Variants in MYO5B observed in about 807,000 individuals in gnomAD.
MYO5B encodes the protein myosin VB.
MYO5B carries 143 observed loss-of-function variants against 229.3 expected under a neutral mutation model. That is an observed-to-expected ratio of 0.62 (90% CI 0.54 to 0.72). The LOEUF is 0.72. Among genes scored for constraint, MYO5B ranks in the 30% least tolerant of loss-of-function variants. MYO5B has a pLI of 0.00. For synonymous variants in MYO5B, 918 were observed against 885.2 expected (o/e 1.04, Z -0.66); for missense variants, 2,321 against 2,331.0 (o/e 1.00, Z 0.09).
chr18:50,190,810 T>C (rs1054720660), intron 1 of MYO5B, among the ~76,000 whole-genome samples: 2 of 152,254 alleles, frequency 1.3e-5, no homozygotes, highest in Non-Finnish European at 2.9e-5. Context: ...CATATTCCAA[T>C]AATAACATCT....
At chr18:50,049,729 G>T (rs2030340943) in intron 2 of MYO5B, among the ~76,000 whole-genome samples, 1 of 152,142 alleles carries the variant, frequency 6.6e-6, no homozygotes, top group South Asian at 2.1e-4. Context: ...CCCAGACATT[G>T]CCAAATGTTC....
intron 22 of MYO5B, among the ~76,000 whole-genome samples, chr18:49,887,649 G>C (rs986597220): frequency 6.6e-6 from 1 of 152,072 alleles, no homozygotes; most frequent in Non-Finnish European, 1.5e-5. Context: ...GAGTCAATTA[G>C]ACATTTTTAC....
At chr18:49,907,068 G>A (rs571737884) in intron 18 of MYO5B, among the ~76,000 whole-genome samples, 1 of 152,128 alleles carries the variant, frequency 6.6e-6, no homozygotes, top group Non-Finnish European at 1.5e-5. Context: ...AAGGAAGGAG[G>A]AAAGTTCCAG....
intron 1 of MYO5B, among the ~76,000 whole-genome samples, chr18:50,072,838 G>A (rs1446697751): frequency 2.0e-5 from 3 of 151,982 alleles, no homozygotes; most frequent in East Asian, 3.9e-4. Context: ...GAAGAGTCCA[G>A]GAGGAAGTCC....
intron 14 of MYO5B, among the ~76,000 whole-genome samples, chr18:49,948,468 T>C (rs551395567): frequency 3.3e-5 from 5 of 152,330 alleles, no homozygotes; most frequent in Admixed American, 3.3e-4. Context: ...TTTTGTCAAC[T>C]AAAAAGTTAT....
chr18:50,003,490 T>A (rs971851310), intron 4 of MYO5B, among the ~76,000 whole-genome samples: 3 of 152,180 alleles, frequency 2.0e-5, no homozygotes, highest in Non-Finnish European at 2.9e-5. Context: ...CCTCTTCTCA[T>A]TTAATTTTAT....
At chr18:50,093,759 T>C (rs1236933549) in intron 1 of MYO5B, among the ~76,000 whole-genome samples, 3 of 149,168 alleles carry the variant, frequency 2.0e-5, no homozygotes, top group Non-Finnish European at 4.5e-5. Context: ...TTATACTGCG[T>C]TAATATGCTA....
chr18:50,102,518 G>C (rs1232230603), intron 1 of MYO5B, among the ~76,000 whole-genome samples: 6 of 152,126 alleles, frequency 3.9e-5, no homozygotes, highest in African/African-American at 1.4e-4. Context: ...AGAAATGCAA[G>C]AGTGGCTACA....
Position 49,895,020 on chromosome 18 carries a change from C to G in MYO5B, c.2966G>C (p.Arg989Pro). 6.2e-7 allele frequency: 1 copy of G among 1,613,936 alleles called. No individual in the cohort carries two copies. The change falls in exon 22 of 40, where the codon CGC (arginine) becomes CCC (proline). Residue 989 changes from arginine to proline, a missense_variant. By Grantham distance (103) the Arg-to-Pro change is moderately radical. Coordinates refer to ENST00000285039, the MANE Select transcript of MYO5B (RefSeq NM_001080467.3). ...LRLQEEVESL[R>P]TELQRAHSER... ...CGAGTGGGCCCTCTGCAGCTCTGTG[C>G]GCAGGCTCTCCACCTCCTCCTGCAG...
chr18:50,059,996 G>A (rs914917459), intron 1 of MYO5B, among the ~76,000 whole-genome samples: 3 of 152,174 alleles, frequency 2.0e-5, no homozygotes, highest in Admixed American at 6.5e-5. Context: ...AGCTGGGAAC[G>A]ACTTGAGGAA....
chr18:50,172,872 A>C (rs1414292858), intron 1 of MYO5B, among the ~76,000 whole-genome samples: 1 of 152,236 alleles, frequency 6.6e-6, no homozygotes, highest in Non-Finnish European at 1.5e-5. Context: ...AATGACAGGA[A>C]GCCCCCCAGT....
intron 1 of MYO5B, among the ~76,000 whole-genome samples, chr18:50,155,234 C>T (rs1159605702): frequency 1.3e-5 from 2 of 152,164 alleles, no homozygotes; most frequent in African/African-American, 2.4e-5. Flanking sequence ...TTATAGTGAA[C>T]CAGGAGTCAT....
At position 49,849,552 on chromosome 18, in the gene MYO5B, C is replaced by G; in HGVS notation, c.4315+15G>C. 1 of 1,587,614 alleles carries G rather than the reference C, an allele frequency of 6.3e-7. No homozygotes were observed. The highest frequency in any genetic ancestry group is 2.2e-4 in the Middle Eastern group (1 of 4,542). The stretch of plus-strand genomic sequence containing the variant: ...ACCTGTGATTCACAAAACACACTCA[C>G]TCACACCCCCCTACCTTCTAGGTCC... On this transcript the variant is annotated intron_variant, in intron 32 of 39. Coordinates refer to ENST00000285039, the MANE Select transcript of MYO5B (RefSeq NM_001080467.3).
At chr18:50,153,180 C>G (rs1262874621) in intron 1 of MYO5B, among the ~76,000 whole-genome samples, 2 of 152,096 alleles carry the variant, frequency 1.3e-5, no homozygotes, top group African/African-American at 2.4e-5. Context: ...AGATGTGGCA[C>G]GTTCGTACTA....
At chr18:50,176,865 G>A (rs1214724971) in intron 1 of MYO5B, among the ~76,000 whole-genome samples, 4 of 152,138 alleles carry the variant, frequency 2.6e-5, no homozygotes, top group South Asian at 2.1e-4. Flanking sequence ...CATGAATGTC[G>A]TTTATCATCC....
chr18:49,890,849 A>G (rs1263531244), intron 22 of MYO5B, among the ~76,000 whole-genome samples: 2 of 152,258 alleles, frequency 1.3e-5, no homozygotes, highest in Non-Finnish European at 2.9e-5. Flanking sequence ...TAAGCATAGT[A>G]TAAATTTGTT....
chr18:49,989,613 G>T (rs79109212), intron 7 of MYO5B, among the ~76,000 whole-genome samples: 1,648 of 152,262 alleles, frequency 0.011, 36 homozygotes, highest in African/African-American at 0.037. Flanking sequence ...ACAGAGAAGG[G>T]CCAAAGGCTC....
chr18:49,908,625 C>T (rs896593783), intron 18 of MYO5B, among the ~76,000 whole-genome samples: 10 of 152,216 alleles, frequency 6.6e-5, no homozygotes, highest in Non-Finnish European at 1.3e-4. Flanking sequence ...CGTTGGCTCC[C>T]TGCAGATGTT....
intron 17 of MYO5B, among the ~76,000 whole-genome samples, chr18:49,928,914 C>T (rs535683456): frequency 1.3e-5 from 2 of 152,156 alleles, no homozygotes; most frequent in South Asian, 2.1e-4. Flanking sequence ...GGGAGCTAAG[C>T]TATGAGGACG....
Sources: gnomAD v4.1 joint callset for allele counts (sites outside exome capture counted in the v4.1 genomes callset) on GRCh38, gnomAD v4.1.1 for gene constraint, MANE v1.5 for transcripts, NCBI Gene and HGNC (gene_info 2026-07-23, HGNC 2026-07-21) for gene names.